The following AHCYL2 variants were observed in gnomAD, a reference collection of about 807,000 sequenced individuals.
AHCYL2 encodes adenosylhomocysteinase like 2, also known as S-adenosylhomocysteine hydrolase-like protein 2.
A neutral mutation model predicts 81.4 loss-of-function variants in AHCYL2; 28 were observed. The observed-to-expected ratio is 0.34, with a 90% CI of 0.25 to 0.47. The LOEUF is 0.47. Ranked by LOEUF, AHCYL2 falls within the 20% of genes least tolerant of loss-of-function variation. The pLI, the probability that AHCYL2 is intolerant of heterozygous loss-of-function variation, is 1.00. For missense variants in AHCYL2, 551 were observed against 785.1 expected (o/e 0.70, Z 3.56); for synonymous variants, 272 against 290.2 (o/e 0.94, Z 0.64).
intron 1 of AHCYL2, among the ~76,000 whole-genome samples, chr7:129,246,644 G>A (rs180840921): frequency 2.0e-5 from 3 of 151,966 alleles, no homozygotes; most frequent in Admixed American, 6.6e-5. Context: ...CTATAGTTGC[G>A]TGCCACCGTG....
chr7:129,234,224 T>A (rs973638521), intron 1 of AHCYL2, among the ~76,000 whole-genome samples: 9 of 152,176 alleles, frequency 5.9e-5, no homozygotes, highest in Non-Finnish European at 1.3e-4. Context: ...CTAATTTTTT[T>A]ATGACTTTCT....
At chr7:129,279,931 G>A (rs897241716) in intron 1 of AHCYL2, among the ~76,000 whole-genome samples, 5 of 152,032 alleles carry the variant, frequency 3.3e-5, no homozygotes, top group Admixed American at 6.6e-5. Flanking sequence ...CTTCTTTACC[G>A]CATCCTGTTT....
Position 129,225,775 on chromosome 7 carries a change from G to A in AHCYL2, c.363+336G>A, listed in dbSNP as rs561150398. Among the ~76,000 whole-genome samples the A allele has an allele frequency of 4.6e-5, 7 of 152,308 alleles. No homozygotes were observed. The South Asian group carries it at 1.2e-3, about 27-fold the overall frequency. ...GGGTGTGATTTTCCAGCCTATCGGG[G>A]AAGAGACCTCGATAGTATAGAAAAA... is the stretch of plus-strand genomic sequence containing the variant. On this transcript the variant is annotated intron_variant, in intron 1 of 16. Coordinates refer to ENST00000325006, the MANE Select transcript of AHCYL2 (RefSeq NM_015328.4).
intron 1 of AHCYL2, among the ~76,000 whole-genome samples, chr7:129,370,660 T>C (rs1242275167): frequency 6.6e-6 from 1 of 152,176 alleles, no homozygotes; most frequent in Non-Finnish European, 1.5e-5. Context: ...ATCGCGCCAC[T>C]GCACTCCAGC....
chr7:129,375,966 T>G, intron 1 of AHCYL2: 1 of 1,535,690 alleles, frequency 6.5e-7, no homozygotes, highest in Non-Finnish European at 8.7e-7. Flanking sequence ...GCCGCTGCTA[T>G]AGCCATTATT....
intron 2 of AHCYL2, among the ~76,000 whole-genome samples, chr7:129,382,405 G>A (rs1397893349): frequency 1.3e-5 from 2 of 152,114 alleles, no homozygotes; most frequent in African/African-American, 2.4e-5. Context: ...TTCAAGACCA[G>A]CCTTGCTAAC....
chr7:129,341,864 T>C (rs1793197829), intron 1 of AHCYL2, among the ~76,000 whole-genome samples: 1 of 152,168 alleles, frequency 6.6e-6, no homozygotes, highest in Non-Finnish European at 1.5e-5. Context: ...ATCTTGAGAA[T>C]TTACCAACAC....
intron 1 of AHCYL2, among the ~76,000 whole-genome samples, chr7:129,359,501 T>C (rs1793857933): frequency 6.6e-6 from 1 of 152,216 alleles, no homozygotes; most frequent in African/African-American, 2.4e-5. Context: ...AAGTTATGCT[T>C]CTATAAAAAG....
chr7:129,354,981 G>T (rs950100153), intron 1 of AHCYL2, among the ~76,000 whole-genome samples: 2 of 152,112 alleles, frequency 1.3e-5, no homozygotes, highest in African/African-American at 2.4e-5. Context: ...AAATTTATTT[G>T]TAACCCCAAA....
At chr7:129,288,397 A>T (rs1796715509) in intron 1 of AHCYL2, among the ~76,000 whole-genome samples, 1 of 152,086 alleles carries the variant, frequency 6.6e-6, no homozygotes, top group East Asian at 1.9e-4. Context: ...AGAGTCTCGC[A>T]TCACTCAGGC....
rs1399574172 is a variant in AHCYL2, at chr7:129,406,555, C to T, written c.1295+89C>T. On this transcript the variant is annotated intron_variant, in intron 10 of 16. Transcript: ENST00000325006. The surrounding 1 kb of genome is among the most constrained non-coding windows in gnomAD (Gnocchi z 4.3). ...GATGCCACACTTTATTTTAGAGGAG[C>T]CCAGATCCTCAGAGATGCTGCCACT... The T allele has an allele frequency of 4.0e-6, 5 of 1,265,004 alleles. No individual in the cohort carries two copies. In the South Asian group the frequency reaches 4.9e-5, roughly 12 times the overall value. 78.4% of individuals were successfully genotyped at this position (1,265,004 alleles called of 1,614,324 possible).
At chr7:129,232,777 A>G (rs1024673502) in intron 1 of AHCYL2, among the ~76,000 whole-genome samples, 1 of 152,226 alleles carries the variant, frequency 6.6e-6, no homozygotes, top group Non-Finnish European at 1.5e-5. Flanking sequence ...GATGGTGCAA[A>G]CCAAGCTGCA....
chr7:129,300,452 A>T (rs1485552178), intron 1 of AHCYL2, among the ~76,000 whole-genome samples: 4 of 152,184 alleles, frequency 2.6e-5, no homozygotes, highest in African/African-American at 9.6e-5. Flanking sequence ...ACTTTGATTC[A>T]TGTTGTTGCA....
chr7:129,352,937 C>CTTTTTT lies in AHCYL2; in HGVS notation c.364-26683_364-26678dup, dbSNP rs59762582. On this transcript the variant is annotated intron_variant, in intron 1 of 16. Coordinates refer to ENST00000325006, the MANE Select transcript of AHCYL2 (RefSeq NM_015328.4). ...ATGTTTAGGCCTTTACCTCCTCATT[C>CTTTTTT]TTTTTTTTTTTTTTTTTTTTTTTGG... 2.8e-3 allele frequency among the ~76,000 whole-genome samples: 228 copies of CTTTTTT among 82,512 alleles called. 5 individuals carry two copies. The highest frequency in any genetic ancestry group is 7.0e-3 in the Admixed American group (40 of 5,712). The allele number at this position is 82,512 out of a possible 152,430, so 54.1% of individuals were successfully genotyped here.
chr7:129,252,604 A>G (rs1372935909), intron 1 of AHCYL2, among the ~76,000 whole-genome samples: 1 of 152,180 alleles, frequency 6.6e-6, no homozygotes, highest in Non-Finnish European at 1.5e-5. Flanking sequence ...CTACCTTTCC[A>G]AAAAATTAAA....
intron 2 of AHCYL2, among the ~76,000 whole-genome samples, chr7:129,384,950 C>T (rs1042417886): frequency 2.6e-5 from 4 of 152,178 alleles, no homozygotes; most frequent in African/African-American, 9.7e-5. Flanking sequence ...TTCTAAAAAA[C>T]TCTTCCCCTA....
intron 1 of AHCYL2, among the ~76,000 whole-genome samples, chr7:129,355,128 A>G (rs566255559): frequency 2.0e-5 from 3 of 152,308 alleles, no homozygotes; most frequent in East Asian, 3.9e-4. Flanking sequence ...GAGGTCAAAC[A>G]TGACAATGGT....
At position 129,264,475 on chromosome 7, in the gene AHCYL2, G is replaced by C. The variant is rs566260594; in HGVS notation, c.363+39036G>C. 1.4e-4 allele frequency among the ~76,000 whole-genome samples: 21 copies of C among 152,254 alleles called. No homozygotes were observed. In the East Asian group the frequency reaches 4.0e-3, roughly 29 times the overall value. On this transcript the variant is annotated intron_variant, in intron 1 of 16. Transcript: ENST00000325006. The stretch of plus-strand genomic sequence containing the variant: ...ATGGAATGTAAGGGTAAGAAATCAT[G>C]GATAAGAAGGAAAGGAAGAAAGGAG...
chr7:129,234,701 G>T (rs1794577319), intron 1 of AHCYL2, among the ~76,000 whole-genome samples: 1 of 152,000 alleles, frequency 6.6e-6, no homozygotes, highest in Non-Finnish European at 1.5e-5. Flanking sequence ...TCACTTTGTT[G>T]CCCAGGCTGG....
Sources: allele counts gnomAD v4.1 joint callset (sites outside exome capture counted in the v4.1 genomes callset), GRCh38; gene constraint gnomAD v4.1.1; non-coding constraint Gnocchi (gnomAD v3.1); transcripts MANE v1.5; gene names NCBI Gene and HGNC (gene_info 2026-07-23, HGNC 2026-07-21).